Variants in RETREG1 observed in about 807,000 individuals in gnomAD.
RETREG1 encodes reticulophagy regulator 1.
In RETREG1, 44 loss-of-function variants were observed where a neutral mutation model predicts 54.8. The ratio of observed to expected loss-of-function variants is 0.80; its 90% CI spans 0.63 to 1.03. The LOEUF (loss-of-function observed/expected upper bound fraction) is 1.03, where lower values mean the gene tolerates loss of function less well. Among genes scored for constraint, RETREG1 ranks in the 50% least tolerant of loss-of-function variants. The pLI, the probability that RETREG1 is intolerant of heterozygous loss-of-function variation, is 0.00. For missense variants in RETREG1, 554 were observed against 605.1 expected, an observed-to-expected ratio of 0.92 and a Z score of 0.89; for synonymous variants, 217 against 238.5, an observed-to-expected ratio of 0.91 and a Z score of 0.83.
chr5:16,598,003 C>T (rs1406703966), intron 1 of RETREG1, among the ~76,000 whole-genome samples: 1 of 152,092 alleles, frequency 6.6e-6, no homozygotes, highest in African/African-American at 2.4e-5. Flanking sequence ...AACCCCTCCA[C>T]TCCAGTTCCA....
chr5:16,565,881 T>G, intron 2 of RETREG1, 88 bp from the exon 3 acceptor site: 2 of 1,362,804 alleles, frequency 1.5e-6, no homozygotes, highest in Middle Eastern at 1.8e-4. Flanking sequence ...CCAAGCTATT[T>G]AAAGTGGAAT....
intron 3 of RETREG1, among the ~76,000 whole-genome samples, chr5:16,514,335 T>C (rs1441444702): frequency 6.6e-6 from 1 of 152,200 alleles, no homozygotes; most frequent in Non-Finnish European, 1.5e-5. Context: ...TTGTGGGATC[T>C]GTAACCAGAA....
rs1452630654 is a variant in RETREG1, at chr5:16,561,094, AGAAGT to A, written c.458+4664_458+4668del. On this transcript the variant is annotated intron_variant, in intron 3 of 8. Transcript: ENST00000306320. This position sits in a 1 kb window ranked among gnomAD's most constrained non-coding sequence, Gnocchi z 4.2. The stretch of plus-strand genomic sequence containing the variant: ...CCAGATGAAAACCTGAGGCCGAAAG[AGAAGT>A]GAAGTTGGCAGGACCACGAGCTGCA... 2.6e-5 allele frequency among the ~76,000 whole-genome samples: 4 copies of A among 152,202 alleles called. No homozygotes were observed. Among genetic ancestry groups the A allele is most frequent in the African/African-American group, 9.7e-5 (4 of 41,442 alleles).
At chr5:16,508,436 A>G in intron 3 of RETREG1, 1 of 851,344 alleles carries the variant, frequency 1.2e-6, no homozygotes, top group Non-Finnish European at 1.9e-6. Flanking sequence ...AAAGAAAATT[A>G]TGTTTCCTGG....
chr5:16,528,676 G>A (rs1421013812), intron 3 of RETREG1, among the ~76,000 whole-genome samples: 1 of 152,224 alleles, frequency 6.6e-6, no homozygotes, highest in Non-Finnish European at 1.5e-5. Flanking sequence ...ATGTAACTTT[G>A]ATCCACTCAC....
At chr5:16,604,165 G>T (rs1388162813) in intron 1 of RETREG1, among the ~76,000 whole-genome samples, 1 of 152,194 alleles carries the variant, frequency 6.6e-6, no homozygotes, top group Non-Finnish European at 1.5e-5. Context: ...GAGGGAAGAA[G>T]TCATATTGAA....
intron 1 of RETREG1, among the ~76,000 whole-genome samples, chr5:16,612,995 T>C (rs190887116): frequency 6.6e-6 from 1 of 152,342 alleles, no homozygotes; most frequent in East Asian, 1.9e-4. Flanking sequence ...CTGTTGTTGC[T>C]AAAGCTGTAT....
chr5:16,477,660 A>G lies in RETREG1; in HGVS notation c.1000+2T>C. 1 of 1,612,786 alleles carries G rather than the reference A, an allele frequency of 6.2e-7. No individual in the cohort carries two copies. Among genetic ancestry groups the G allele is most frequent in the Non-Finnish European group, 8.5e-7 (1 of 1,179,102 alleles). ...TAAATGTCTCCAGAAATATTAGCAT[A>G]CCATCAGAAGTGTCTGTCTGTGGAG... is the stretch of plus-strand genomic sequence containing the variant. On this transcript the variant is annotated splice_donor_variant, in intron 8 of 8. Coordinates refer to ENST00000306320, the MANE Select transcript of RETREG1 (RefSeq NM_001034850.3). LOFTEE classifies it high-confidence loss of function.
chr5:16,569,426 G>A (rs1179824154), intron 2 of RETREG1, among the ~76,000 whole-genome samples: 1 of 152,058 alleles, frequency 6.6e-6, no homozygotes, highest in African/African-American at 2.4e-5. Context: ...CCTCGACAGA[G>A]GTCTGGTTCC....
chr5:16,600,835 T>C (rs80344764), intron 1 of RETREG1, among the ~76,000 whole-genome samples: 2,069 of 152,256 alleles, frequency 0.014, 28 homozygotes, highest in Non-Finnish European at 0.021. Flanking sequence ...TTCTCCTTTT[T>C]ATTAAAGAAG....
chr5:16,540,139 C>T (rs1406532488), intron 3 of RETREG1, among the ~76,000 whole-genome samples: 1 of 152,148 alleles, frequency 6.6e-6, no homozygotes, highest in East Asian at 1.9e-4. Flanking sequence ...TGATGGAGAT[C>T]TAGGAATCCA....
chr5:16,482,574 G>T (rs1738828756), intron 4 of RETREG1, among the ~76,000 whole-genome samples: 1 of 151,902 alleles, frequency 6.6e-6, no homozygotes, highest in African/African-American at 2.4e-5. Flanking sequence ...TTACGATATT[G>T]CCTATACAAG....
At chr5:16,501,860 TAA>T (rs1020495691) in intron 3 of RETREG1, among the ~76,000 whole-genome samples, 6 of 151,994 alleles carry the variant, frequency 3.9e-5, no homozygotes, top group African/African-American at 1.4e-4. Flanking sequence ...TGCATTTTTT[TAA>T]GAGCACAAGA....
intron 3 of RETREG1, among the ~76,000 whole-genome samples, chr5:16,498,519 C>T (rs568677903): frequency 2.0e-4 from 31 of 152,170 alleles, no homozygotes; most frequent in Non-Finnish European, 7.3e-5. Flanking sequence ...TCAACACCAG[C>T]CTGGGCAACA....
chr5:16,575,536 T>C (rs1234942768), intron 1 of RETREG1, among the ~76,000 whole-genome samples: 1 of 152,192 alleles, frequency 6.6e-6, no homozygotes, highest in African/African-American at 2.4e-5. Context: ...CTTCCAAGAA[T>C]AATAAAAAAG....
At chr5:16,573,384 T>C (rs1742236786) in intron 1 of RETREG1, among the ~76,000 whole-genome samples, 1 of 152,114 alleles carries the variant, frequency 6.6e-6, no homozygotes, top group South Asian at 2.1e-4. Flanking sequence ...ACAAAGAGCG[T>C]TGAGCCTTCA....
intron 5 of RETREG1, among the ~76,000 whole-genome samples, chr5:16,480,559 C>A (rs1320752182): frequency 6.6e-6 from 1 of 152,070 alleles, no homozygotes; most frequent in Non-Finnish European, 1.5e-5. Flanking sequence ...TTCTACCTAC[C>A]CCGCAACAGT....
Position 16,597,009 on chromosome 5 carries a change from T to C in RETREG1, c.320+19643A>G, listed in dbSNP as rs1302092843. Among the ~76,000 whole-genome samples, 1 of 152,190 alleles carries C rather than the reference T, an allele frequency of 6.6e-6. No homozygotes were observed. Among genetic ancestry groups the C allele is most frequent in the Non-Finnish European group, 1.5e-5 (1 of 68,044 alleles). The stretch of plus-strand genomic sequence containing the variant: ...CTATGTACTAGAAGTCATCAGTCAA[T>C]AGTTAGACTACTGACATTTGTCAGA... On this transcript the variant is annotated intron_variant, in intron 1 of 8. Coordinates refer to ENST00000306320, the MANE Select transcript of RETREG1 (RefSeq NM_001034850.3). The surrounding 1 kb of genome is among the most constrained non-coding windows in gnomAD (Gnocchi z 4.3).
At chr5:16,530,004 C>T (rs1181194991) in intron 3 of RETREG1, among the ~76,000 whole-genome samples, 1 of 152,164 alleles carries the variant, frequency 6.6e-6, no homozygotes, top group Non-Finnish European at 1.5e-5. Flanking sequence ...CTCCCAACCC[C>T]GGGAGGCCAG....
Sources: allele counts gnomAD v4.1 joint callset (sites outside exome capture counted in the v4.1 genomes callset), GRCh38; gene constraint gnomAD v4.1.1; non-coding constraint Gnocchi (gnomAD v3.1); transcripts MANE v1.5; gene names NCBI Gene and HGNC (gene_info 2026-07-23, HGNC 2026-07-21).